FSTL5: variants seen among roughly 807,000 people sequenced by gnomAD.
The protein encoded by FSTL5 is follistatin-related protein 5.
In FSTL5, 62 loss-of-function variants were observed where a neutral mutation model predicts 89.1. The ratio of observed to expected loss-of-function variants is 0.70; its 90% confidence interval spans 0.57 to 0.86. FSTL5 has a LOEUF of 0.86. FSTL5 is among the 40% of genes least tolerant of loss of function. The probability of loss-of-function intolerance (pLI) is 0.00; values close to 1 mark genes in which losing one functional copy is unlikely to be tolerated. For synonymous variants in FSTL5, 383 were observed against 346.2 expected (o/e 1.11, Z -1.18); for missense variants, 1,057 against 1,001.6 (o/e 1.06, Z -0.75).
intron 6 of FSTL5, among the ~76,000 whole-genome samples, chr4:161,753,302 G>A (rs769011244): frequency 2.0e-5 from 3 of 151,866 alleles, no homozygotes; most frequent in African/African-American, 4.8e-5. Context: ...ATCTCTTCCC[G>A]TGACCCCTGC....
Position 161,698,276 on chromosome 4 carries a change from T to C in FSTL5, c.728-41782A>G, listed in dbSNP as rs190650866. On this transcript the variant is annotated intron_variant, in intron 6 of 15. Coordinates refer to ENST00000306100, the MANE Select transcript of FSTL5 (RefSeq NM_020116.5). ...TCCAGAAATGTGAGAAATAAATGTT[T>C]GTTGTTTAGGCCTAAAACAAACAAA... Among the ~76,000 whole-genome samples the C allele has an allele frequency of 3.6e-3, 548 of 152,274 alleles. 5 individuals carry two copies. The highest frequency in any genetic ancestry group is 6.2e-3 in the Non-Finnish European group (424 of 68,020).
chr4:161,874,741 G>A (rs575152916), intron 4 of FSTL5, among the ~76,000 whole-genome samples: 4 of 151,764 alleles, frequency 2.6e-5, no homozygotes, highest in African/African-American at 7.2e-5. Context: ...TAACTTTTTT[G>A]TAATATTAAT....
chr4:161,733,934 A>T (rs1346582202), intron 6 of FSTL5, among the ~76,000 whole-genome samples: 1 of 152,020 alleles, frequency 6.6e-6, no homozygotes, highest in African/African-American at 2.4e-5. Flanking sequence ...TGTTTAAATG[A>T]CTGTCTCAAG....
intron 4 of FSTL5, among the ~76,000 whole-genome samples, chr4:161,896,988 A>C (rs765920472): frequency 6.6e-6 from 1 of 152,122 alleles, no homozygotes; most frequent in Non-Finnish European, 1.5e-5. Context: ...GCTGGAATGC[A>C]GTGGCACAAT....
intron 4 of FSTL5, among the ~76,000 whole-genome samples, chr4:161,896,493 G>C (rs1281135869): frequency 6.6e-6 from 1 of 152,072 alleles, no homozygotes; most frequent in African/African-American, 2.4e-5. Context: ...ACATTAGATA[G>C]TATTAAAGTA....
intron 4 of FSTL5, among the ~76,000 whole-genome samples, chr4:161,833,041 C>A (rs960996412): frequency 6.6e-6 from 1 of 151,146 alleles, no homozygotes; most frequent in Non-Finnish European, 1.5e-5. Context: ...TCCCTCTACA[C>A]GCTGCTTTGA....
intron 8 of FSTL5, among the ~76,000 whole-genome samples, chr4:161,580,520 AAAG>A (rs1160533764): frequency 6.6e-6 from 1 of 152,200 alleles, no homozygotes; most frequent in Non-Finnish European, 1.5e-5. Flanking sequence ...ATAAAAGTTC[AAAG>A]AAGAAGGGGG....
intron 1 of FSTL5, among the ~76,000 whole-genome samples, chr4:162,162,620 C>G (rs1733740150): frequency 1.3e-5 from 2 of 152,130 alleles, no homozygotes; most frequent in African/African-American, 4.8e-5. Context: ...TTAATAATTG[C>G]TCACTATGAG....
At chr4:161,418,631 A>G (rs1290533101) in intron 15 of FSTL5, among the ~76,000 whole-genome samples, 1 of 152,198 alleles carries the variant, frequency 6.6e-6, no homozygotes, top group Non-Finnish European at 1.5e-5. Flanking sequence ...TATTATTAAA[A>G]GTGTCTTGGG....
At chr4:161,750,282 G>A (rs942745498) in intron 6 of FSTL5, among the ~76,000 whole-genome samples, 1 of 152,004 alleles carries the variant, frequency 6.6e-6, no homozygotes, top group African/African-American at 2.4e-5. Flanking sequence ...TGTCCAAGAG[G>A]GTAGCCAGTA....
At chr4:162,083,166 A>T (rs1730169160) in intron 2 of FSTL5, among the ~76,000 whole-genome samples, 1 of 151,846 alleles carries the variant, frequency 6.6e-6, no homozygotes. Flanking sequence ...CACTTTGAAC[A>T]AAATGGCTGA....
chr4:161,804,479 TG>T (rs1363763047), intron 4 of FSTL5, among the ~76,000 whole-genome samples: 6 of 151,998 alleles, frequency 3.9e-5, no homozygotes, highest in African/African-American at 1.4e-4. Flanking sequence ...GAAAAAATTG[TG>T]GGCAAATATG....
rs367671709 is a variant in FSTL5, at chr4:161,386,210, G to A, written c.2081C>T (p.Thr694Met). ...DSVIGFNSDV[T>M]GTPYVSPDGH... Reference sequence around the variant, plus strand: ...ATCTGGAGAGACATATGGAGTGCCCGTCACATCACTATTGAACCCAATGAC... The same window carrying A: ...ATCTGGAGAGACATATGGAGTGCCCATCACATCACTATTGAACCCAATGAC... The change falls in exon 16 of 16, where the codon ACG (threonine) becomes ATG (methionine). Residue 694 changes from threonine (T) to methionine (M), a missense_variant. Around this residue, in one of 3 missense-constraint regions of FSTL5, gnomAD observed 980 missense variants for 903.2 expected, o/e 1.08. Transcript: ENST00000306100. 49 of 1,613,826 alleles carry A rather than the reference G, an allele frequency of 3.0e-5. No homozygotes were observed. The highest frequency in any genetic ancestry group is 6.7e-5 in the African/African-American group (5 of 74,882).
At chr4:161,439,270 T>C (rs1732680418) in intron 15 of FSTL5, among the ~76,000 whole-genome samples, 2 of 152,236 alleles carry the variant, frequency 1.3e-5, no homozygotes, top group South Asian at 2.1e-4. Context: ...ATGGTGGCTA[T>C]GTAAACGAAG....
chr4:161,591,841 C>T (rs1009046851), intron 7 of FSTL5, among the ~76,000 whole-genome samples: 2 of 152,156 alleles, frequency 1.3e-5, no homozygotes, highest in African/African-American at 4.8e-5. Context: ...TTAATATTCT[C>T]TCACTTTATA....
At chr4:161,916,716 A>C (rs1733849977) in intron 4 of FSTL5, among the ~76,000 whole-genome samples, 1 of 152,252 alleles carries the variant, frequency 6.6e-6, no homozygotes, top group Non-Finnish European at 1.5e-5. Flanking sequence ...ATAAATCACT[A>C]AAAAAATTAT....
chr4:162,138,497 A>G (rs1280454925), intron 1 of FSTL5, among the ~76,000 whole-genome samples: 1 of 152,148 alleles, frequency 6.6e-6, no homozygotes, highest in Non-Finnish European at 1.5e-5. Flanking sequence ...TTAAAAAGAC[A>G]TCTATTTTTC....
At chr4:161,626,025 G>T (rs1300678963) in intron 7 of FSTL5, among the ~76,000 whole-genome samples, 2 of 152,070 alleles carry the variant, frequency 1.3e-5, no homozygotes, top group Non-Finnish European at 2.9e-5. Flanking sequence ...AAAGAGGTTA[G>T]TTCATGGAGT....
intron 4 of FSTL5, among the ~76,000 whole-genome samples, chr4:161,784,910 A>AAAAAAAC (rs61321158): frequency 7.8e-6 from 1 of 127,668 alleles, no homozygotes; most frequent in Non-Finnish European, 1.7e-5. Flanking sequence ...ACAAAAACAA[A>AAAAAAAC]CAAACAAAAA....
Sources: allele counts gnomAD v4.1 joint callset (sites outside exome capture counted in the v4.1 genomes callset), GRCh38; gene constraint gnomAD v4.1.1; regional missense constraint gnomAD v4.1.1; transcripts MANE v1.5; gene names NCBI Gene and HGNC (gene_info 2026-07-23, HGNC 2026-07-21).